RBFOX3: variants seen among roughly 807,000 people sequenced by gnomAD.
The protein encoded by RBFOX3 is RNA binding fox-1 homolog 3.
In RBFOX3, 17 loss-of-function variants were observed where a neutral mutation model predicts 48.7. The ratio of observed to expected loss-of-function variants is 0.35; its 90% CI spans 0.24 to 0.52. The LOEUF (loss-of-function observed/expected upper bound fraction) is 0.52. Among genes scored for constraint, RBFOX3 ranks in the 20% least tolerant of loss-of-function variants. RBFOX3 has a pLI of 0.94. For synonymous variants in RBFOX3, 212 were observed against 209.5 expected, an observed-to-expected ratio of 1.01 and a Z score of -0.10; for missense variants, 382 against 497.5, an observed-to-expected ratio of 0.77 and a Z score of 2.21.
chr17:79,168,239 C>G (rs930956388), intron 4 of RBFOX3, among the ~76,000 whole-genome samples: 1 of 152,194 alleles, frequency 6.6e-6, no homozygotes, highest in Admixed American at 6.5e-5. Flanking sequence ...ATGGGTGGGT[C>G]CCCCACTGGG....
In RBFOX3 at chr17:79,139,812, C is replaced by T. The variant is rs1157985835; in HGVS notation, c.-33-24064G>A. 3.9e-5 allele frequency among the ~76,000 whole-genome samples: 6 copies of T among 152,348 alleles called. No homozygotes were observed. In the East Asian group the frequency reaches 7.7e-4, roughly 20 times the overall value. On this transcript the variant is annotated intron_variant, in intron 4 of 14. Transcript: ENST00000693108. ...GGCAGGATGAGCATCTCTGCACTGA[C>T]GATGCCGGAGGGGCAGAACCACCGT...
intron 14 of RBFOX3, among the ~76,000 whole-genome samples, chr17:79,091,106 T>C (rs951998260): frequency 6.6e-6 from 1 of 152,146 alleles, no homozygotes; most frequent in African/African-American, 2.4e-5. Context: ...CCTGGGGCCC[T>C]GAGGAGGAGA....
chr17:79,380,911 G>A (rs889494922), intron 2 of RBFOX3, among the ~76,000 whole-genome samples: 10 of 152,140 alleles, frequency 6.6e-5, no homozygotes, highest in African/African-American at 1.4e-4. Flanking sequence ...GCTCTGTCCC[G>A]TGGAAATGCA....
In RBFOX3 at chr17:79,094,302, A is replaced by G. The variant is rs981805479; in HGVS notation, c.1077+149T>C. 1.7e-5 allele frequency: 9 copies of G among 535,530 alleles called. No individual in the cohort carries two copies. In the Admixed American group the frequency reaches 2.5e-4, roughly 15 times the overall value. 33.2% of individuals were successfully genotyped at this position (535,530 alleles called of 1,614,324 possible). A position where few individuals can be genotyped will look rare whatever the true frequency, so the allele number is the denominator to read the frequency against. On this transcript the variant is annotated intron_variant, in intron 14 of 14. Coordinates refer to ENST00000693108, the MANE Select transcript of RBFOX3 (RefSeq NM_001350451.2). ...GGCGTGAGGGGCCAGCCCTCCCCTC[A>G]CCCTAACTCACATCCAGGCCGTGGT... is the stretch of plus-strand genomic sequence containing the variant.
chr17:79,236,417 T>A (rs1396470416), intron 3 of RBFOX3, among the ~76,000 whole-genome samples: 2 of 152,170 alleles, frequency 1.3e-5, no homozygotes, highest in Non-Finnish European at 2.9e-5. Flanking sequence ...GCCGCCCTAG[T>A]AGCTGGGAGT....
chr17:79,445,368 G>A (rs1555737569), intron 2 of RBFOX3, among the ~76,000 whole-genome samples: 2 of 152,170 alleles, frequency 1.3e-5, no homozygotes, highest in Non-Finnish European at 2.9e-5. Flanking sequence ...AAATGACAGC[G>A]GCCTGGGTGA....
intron 4 of RBFOX3, among the ~76,000 whole-genome samples, chr17:79,200,261 C>T (rs1385251698): frequency 1.3e-5 from 2 of 151,948 alleles, no homozygotes; most frequent in Non-Finnish European, 2.9e-5. Flanking sequence ...GTGTACAGAT[C>T]ATCAGCAAGG....
At position 79,164,892 on chromosome 17, in the gene RBFOX3, T is replaced by C. The variant is rs554894052; in HGVS notation, c.-33-49144A>G. ...TAACTTCCCTCGCCCCTCTTCTCCC[T>C]GCACCAGAATCACCCAAGGGACCCA... On this transcript the variant is annotated intron_variant, in intron 4 of 14. Coordinates refer to ENST00000693108, the MANE Select transcript of RBFOX3 (RefSeq NM_001350451.2). 1.1e-4 allele frequency among the ~76,000 whole-genome samples: 16 copies of C among 152,166 alleles called. No homozygotes were observed. The East Asian group carries it at 3.1e-3, about 29-fold the overall frequency.
At chr17:79,241,435 T>C (rs569679659) in intron 3 of RBFOX3, among the ~76,000 whole-genome samples, 4 of 152,246 alleles carry the variant, frequency 2.6e-5, no homozygotes, top group African/African-American at 9.6e-5. Context: ...GACAACTGAA[T>C]CAGCCACAGA....
chr17:79,263,920 T>C (rs1157295809), intron 3 of RBFOX3, among the ~76,000 whole-genome samples: 1 of 152,056 alleles, frequency 6.6e-6, no homozygotes, highest in Non-Finnish European at 1.5e-5. Context: ...CTAAATCGAA[T>C]AGCGGTTGCC....
chr17:79,515,294 G>A (rs1329198842), intron 1 of RBFOX3, among the ~76,000 whole-genome samples: 1 of 152,172 alleles, frequency 6.6e-6, no homozygotes, highest in African/African-American at 2.4e-5. Context: ...GGCCCCTGGG[G>A]GTGTGCAGTG....
chr17:79,234,613 A>C (rs1420402287), intron 4 of RBFOX3: 1 of 151,718 alleles, frequency 6.6e-6, no homozygotes, highest in Non-Finnish European at 1.5e-5. Flanking sequence ...AATTTTGTTC[A>C]CACTAAATAT....
chr17:79,453,251 C>T lies in RBFOX3; in HGVS notation c.-175+29203G>A, dbSNP rs112726302. ...GGCCATGCTGGCCACACCCTAAGTC[C>T]AGAGCGATGCCCAGAGAACAAACCA... On this transcript the variant is annotated intron_variant, in intron 2 of 14. Coordinates refer to ENST00000693108, the MANE Select transcript of RBFOX3 (RefSeq NM_001350451.2). 5.1e-3 allele frequency among the ~76,000 whole-genome samples: 776 copies of T among 152,354 alleles called. 10 individuals carry two copies. Among genetic ancestry groups the T allele is most frequent in the African/African-American group, 0.017 (726 of 41,586 alleles).
intron 4 of RBFOX3, among the ~76,000 whole-genome samples, chr17:79,229,154 G>T (rs1053075087): frequency 6.8e-6 from 1 of 146,256 alleles, no homozygotes; most frequent in South Asian, 2.2e-4. Context: ...GCTTGAGCAC[G>T]GTAGGCAGAG....
At chr17:79,133,804 C>G (rs1226944817) in intron 4 of RBFOX3, among the ~76,000 whole-genome samples, 5 of 152,166 alleles carry the variant, frequency 3.3e-5, no homozygotes, top group Admixed American at 3.3e-4. Flanking sequence ...CCTCCCAGGG[C>G]CTTGTGAGGA....
intron 2 of RBFOX3, among the ~76,000 whole-genome samples, chr17:79,403,054 C>T (rs2063019391): frequency 6.6e-6 from 1 of 152,150 alleles, no homozygotes; most frequent in African/African-American, 2.4e-5. Context: ...ACCCCTGGAC[C>T]TTTTCTCATC....
intron 2 of RBFOX3, among the ~76,000 whole-genome samples, chr17:79,415,070 C>T (rs1171126272): frequency 6.6e-6 from 1 of 152,234 alleles, no homozygotes; most frequent in Non-Finnish European, 1.5e-5. Context: ...ATCCCAGGGC[C>T]ACCAGGCTGC....
chr17:79,160,118 G>A (rs1013407438), intron 4 of RBFOX3, among the ~76,000 whole-genome samples: 1 of 152,238 alleles, frequency 6.6e-6, no homozygotes, highest in African/African-American at 2.4e-5. Flanking sequence ...CGGCCCCGGG[G>A]GATTCTCCTG....
chr17:79,452,919 G>A lies in RBFOX3; in HGVS notation c.-175+29535C>T, dbSNP rs113946654. 1.5e-3 allele frequency among the ~76,000 whole-genome samples: 228 copies of A among 152,280 alleles called. 1 individual carries two copies. Among genetic ancestry groups the A allele is most frequent in the African/African-American group, 5.3e-3 (220 of 41,572 alleles). On this transcript the variant is annotated intron_variant, in intron 2 of 14. Coordinates refer to ENST00000693108, the MANE Select transcript of RBFOX3 (RefSeq NM_001350451.2). ...GGAAGCAGCACCGTGGTGCCATCCC[G>A]CTCACGGCCCCCCGGCCACCTGGAC...
Sources: gnomAD v4.1 joint callset for allele counts (sites outside exome capture counted in the v4.1 genomes callset) on GRCh38, gnomAD v4.1.1 for gene constraint, MANE v1.5 for transcripts, NCBI Gene and HGNC (gene_info 2026-07-23, HGNC 2026-07-21) for gene names.